Variants in PTPRG observed in about 807,000 individuals in gnomAD.
The protein encoded by PTPRG is receptor-type tyrosine-protein phosphatase gamma.
Under a neutral mutation model 165.3 loss-of-function variants are expected in PTPRG, and 102 were observed. The ratio of observed to expected loss-of-function variants is 0.62; its 90% CI spans 0.53 to 0.73. The LOEUF is 0.73. Ranked by LOEUF, PTPRG falls within the 30% of genes least tolerant of loss-of-function variation. The probability of loss-of-function intolerance (pLI) is 0.00; values close to 1 mark genes in which losing one functional copy is unlikely to be tolerated. For synonymous variants in PTPRG, 675 were observed against 669.5 expected (o/e 1.01, Z -0.13); for missense variants, 1,866 against 1,861.4 (o/e 1.00, Z -0.05).
chr3:61,889,255 A>G (rs1211843471), intron 2 of PTPRG, among the ~76,000 whole-genome samples: 2 of 152,208 alleles, frequency 1.3e-5, no homozygotes, highest in Non-Finnish European at 2.9e-5. Flanking sequence ...ATTCTACTGG[A>G]AAGAAGCACT....
chr3:61,800,351 G>A (rs189837521), intron 2 of PTPRG, among the ~76,000 whole-genome samples: 1 of 151,952 alleles, frequency 6.6e-6, no homozygotes, highest in African/African-American at 2.4e-5. Context: ...AATTCTTTGG[G>A]TCAAAAATAC....
chr3:62,078,121 T>C (rs772777751), intron 4 of PTPRG, 42 bp from the exon 5 acceptor site: 9 of 1,359,200 alleles, frequency 6.6e-6, no homozygotes, highest in Non-Finnish European at 8.3e-6. Flanking sequence ...TTTATTTATG[T>C]TTGAAAATTT....
chr3:61,754,871 C>T (rs1052496210), intron 2 of PTPRG, among the ~76,000 whole-genome samples: 1 of 152,192 alleles, frequency 6.6e-6, no homozygotes, highest in Non-Finnish European at 1.5e-5. Context: ...TGTAGGACCT[C>T]AAATTTAATG....
chr3:61,771,871 C>T (rs979321349), intron 2 of PTPRG, among the ~76,000 whole-genome samples: 1 of 151,684 alleles, frequency 6.6e-6, no homozygotes, highest in Non-Finnish European at 1.5e-5. Context: ...ACCAGCCTGG[C>T]CAACATGGTG....
intron 2 of PTPRG, among the ~76,000 whole-genome samples, chr3:61,847,523 CT>C (rs1471948228): frequency 1.3e-5 from 2 of 152,164 alleles, no homozygotes; most frequent in Non-Finnish European, 2.9e-5. Flanking sequence ...GTCTCACCGG[CT>C]GTATTTTGAG....
intron 1 of PTPRG, 55 bp from the exon 2 acceptor site, chr3:61,748,823 C>G: frequency 6.9e-7 from 1 of 1,440,268 alleles, no homozygotes; most frequent in Non-Finnish European, 9.7e-7. Context: ...TGACACCCTT[C>G]CTGTATCCAG....
chr3:61,717,563 G>A (rs1014876017), intron 1 of PTPRG, among the ~76,000 whole-genome samples: 32 of 152,234 alleles, frequency 2.1e-4, no homozygotes, highest in Admixed American at 5.2e-4. Flanking sequence ...CGAGGCAAGC[G>A]GATCATGAGG....
chr3:61,808,027 C>T (rs908958466), intron 2 of PTPRG, among the ~76,000 whole-genome samples: 3 of 152,196 alleles, frequency 2.0e-5, no homozygotes, highest in Non-Finnish European at 2.9e-5. Context: ...TTCCTCAGAA[C>T]GTGCTTGCTC....
intron 2 of PTPRG, among the ~76,000 whole-genome samples, chr3:61,784,245 G>A (rs2034628644): frequency 6.6e-6 from 1 of 152,170 alleles, no homozygotes; most frequent in Non-Finnish European, 1.5e-5. Flanking sequence ...CTGATCTGAA[G>A]GGCAAGGCTA....
At chr3:61,908,356 C>T (rs991951711) in intron 2 of PTPRG, among the ~76,000 whole-genome samples, 8 of 125,714 alleles carry the variant, frequency 6.4e-5, no homozygotes, top group African/African-American at 2.2e-4. Flanking sequence ...ACCTGGGAGG[C>T]GGAGTTTGCA....
At position 62,203,981 on chromosome 3, in the gene PTPRG, C is replaced by T; in HGVS notation, c.2155+31C>T. The T allele has an allele frequency of 6.6e-7, 1 of 1,522,532 alleles. No homozygotes were observed. The highest frequency in any genetic ancestry group is 8.8e-7 in the Non-Finnish European group (1 of 1,134,268). The allele number at this position is 1,522,532 out of a possible 1,614,324, so 94.3% of individuals were successfully genotyped here. A position where few individuals can be genotyped will look rare whatever the true frequency, so the allele number is the denominator to read the frequency against. ...TGGTGCAGGTCTTCTTCGAGGGTTC[C>T]TGCTCCTGTGAATAGTCGTACCCTT... On this transcript the variant is annotated intron_variant, in intron 12 of 29. Coordinates refer to ENST00000474889, the MANE Select transcript of PTPRG (RefSeq NM_002841.4). This position sits in a 1 kb window ranked among gnomAD's most constrained non-coding sequence, Gnocchi z 6.4.
intron 2 of PTPRG, among the ~76,000 whole-genome samples, chr3:61,877,071 A>G (rs1432310990): frequency 1.3e-5 from 2 of 152,096 alleles, no homozygotes; most frequent in Non-Finnish European, 2.9e-5. Flanking sequence ...TGCCTTGTGC[A>G]ATCTTTGCAT....
intron 1 of PTPRG, among the ~76,000 whole-genome samples, chr3:61,625,779 A>T (rs563943887): frequency 5.2e-4 from 79 of 152,292 alleles, no homozygotes; most frequent in Non-Finnish European, 1.0e-3. Flanking sequence ...CCTCCAACAT[A>T]AGCTCAGTAA....
intron 1 of PTPRG, among the ~76,000 whole-genome samples, chr3:61,593,468 C>G (rs749922154): frequency 6.7e-6 from 1 of 149,972 alleles, no homozygotes; most frequent in Admixed American, 6.6e-5. Flanking sequence ...TAACTGGTTA[C>G]ATGGGTGGGA....
intron 1 of PTPRG, among the ~76,000 whole-genome samples, chr3:61,695,377 C>CT (rs1280181226): frequency 1.3e-5 from 2 of 152,164 alleles, no homozygotes; most frequent in African/African-American, 4.8e-5. Context: ...CCTGCATTGG[C>CT]TTGAGGCTCC....
chr3:61,734,044 A>C (rs1283995025), intron 1 of PTPRG, among the ~76,000 whole-genome samples: 1 of 152,198 alleles, frequency 6.6e-6, no homozygotes, highest in African/African-American at 2.4e-5. Context: ...GGCTTTCCAA[A>C]GTACTGCGAT....
chr3:61,664,688 A>T (rs1702756274), intron 1 of PTPRG, among the ~76,000 whole-genome samples: 1 of 152,118 alleles, frequency 6.6e-6, no homozygotes, highest in Non-Finnish European at 1.5e-5. Context: ...AAAATTAGTC[A>T]GGTGTGGTTG....
intron 1 of PTPRG, among the ~76,000 whole-genome samples, chr3:61,596,441 A>ATTT (rs1354860986): frequency 2.7e-5 from 1 of 37,416 alleles, no homozygotes; most frequent in Non-Finnish European, 6.8e-5. Flanking sequence ...ATTCGGATGG[A>ATTT]TTTGTTGTTG....
intron 1 of PTPRG, among the ~76,000 whole-genome samples, chr3:61,700,579 C>T (rs377214933): frequency 2.6e-5 from 4 of 152,224 alleles, no homozygotes; most frequent in South Asian, 4.2e-4. Context: ...CTCTTCCAGC[C>T]GTGATACTTC....
Sources: gnomAD v4.1 joint callset for allele counts (sites outside exome capture counted in the v4.1 genomes callset) on GRCh38, gnomAD v4.1.1 for gene constraint, Gnocchi (gnomAD v3.1) non-coding constraint, MANE v1.5 for transcripts, NCBI Gene and HGNC (gene_info 2026-07-23, HGNC 2026-07-21) for gene names.